The following MCCC1 variants were observed in gnomAD, a reference collection of about 807,000 sequenced individuals.
The protein encoded by MCCC1 is methylcrotonoyl-CoA carboxylase subunit alpha, mitochondrial.
A neutral mutation model predicts 83.8 loss-of-function variants in MCCC1; 64 were observed. The ratio of observed to expected loss-of-function variants is 0.76; its 90% confidence interval spans 0.62 to 0.94. The LOEUF (loss-of-function observed/expected upper bound fraction) is 0.94. Among genes scored for constraint, MCCC1 ranks in the 40% least tolerant of loss-of-function variants. The probability of loss-of-function intolerance (pLI) is 0.00; values close to 1 mark genes in which losing one functional copy is unlikely to be tolerated. For missense variants in MCCC1, 807 were observed against 904.7 expected (o/e 0.89, Z 1.39); for synonymous variants, 322 against 315.4 (o/e 1.02, Z -0.22).
At chr3:183,037,519 T>A in intron 12 of MCCC1, 85 bp from the exon 13 acceptor site, 1 of 1,126,942 alleles carries the variant, frequency 8.9e-7, no homozygotes, top group Non-Finnish European at 1.3e-6. Context: ...ATCTAAGTAT[T>A]TTCTACTGTG....
At chr3:183,086,486 C>A (rs537912231) in intron 4 of MCCC1, among the ~76,000 whole-genome samples, 2 of 152,238 alleles carry the variant, frequency 1.3e-5, no homozygotes, top group South Asian at 4.1e-4. Flanking sequence ...CCACCTATTT[C>A]CCAAAGGATC....
chr3:183,087,308 T>C (rs1438233099), intron 3 of MCCC1, among the ~76,000 whole-genome samples: 1 of 152,218 alleles, frequency 6.6e-6, no homozygotes, highest in Non-Finnish European at 1.5e-5. Context: ...GTAGACCATT[T>C]AGAGCACATC....
Position 183,064,502 on chromosome 3 carries a change from C to T in MCCC1, c.761+6497G>A, listed in dbSNP as rs944897473. Among the ~76,000 whole-genome samples, 2 of 152,172 alleles carry T rather than the reference C, an allele frequency of 1.3e-5. No individual in the cohort carries two copies. The highest frequency in any genetic ancestry group is 2.4e-5 in the African/African-American group (1 of 41,442). ...AGGCTTCTGGGACGGGCAGAAGCCCCGCGCCCCTGCCTGCACCCCGCGCGC... is the reference window on the plus strand; with the variant it reads ...AGGCTTCTGGGACGGGCAGAAGCCCTGCGCCCCTGCCTGCACCCCGCGCGC... On this transcript the variant is annotated intron_variant, in intron 7 of 18. Coordinates refer to ENST00000265594, the MANE Select transcript of MCCC1 (RefSeq NM_020166.5). The surrounding 1 kb of genome is among the most constrained non-coding windows in gnomAD (Gnocchi z 4.5).
intron 17 of MCCC1, among the ~76,000 whole-genome samples, chr3:183,019,837 A>G (rs1159192775): frequency 6.6e-6 from 1 of 152,254 alleles, no homozygotes; most frequent in Admixed American, 6.5e-5. Flanking sequence ...TTTTTTGAAT[A>G]ATGCTTAATG....
In MCCC1 at chr3:183,041,309, C is replaced by T. The variant is rs2292058; in HGVS notation, c.1267+258G>A. On this transcript the variant is annotated intron_variant, in intron 11 of 18. Coordinates refer to ENST00000265594, the MANE Select transcript of MCCC1 (RefSeq NM_020166.5). ...GAGGCAAGGTCAAGAACAGTACACA[C>T]AAAATATTTCCTGGTTAGGTTTGAC... 0.079 allele frequency among the ~76,000 whole-genome samples: 12,071 copies of T among 152,056 alleles called. 1,446 individuals carry two copies. Among genetic ancestry groups the T allele is most frequent in the African/African-American group, 0.26 (10,694 of 41,420 alleles).
At chr3:183,098,620 G>T (rs1227405956) in intron 1 of MCCC1, 1 of 152,292 alleles carries the variant, frequency 6.6e-6, no homozygotes, top group Non-Finnish European at 1.5e-5. Context: ...AGAAGACAAA[G>T]AAGCAAAGCT....
intron 4 of MCCC1, among the ~76,000 whole-genome samples, chr3:183,078,020 G>C (rs1430711605): frequency 6.6e-6 from 1 of 152,022 alleles, no homozygotes; most frequent in Non-Finnish European, 1.5e-5. Context: ...GGTTATTGTA[G>C]CTTTATATAT....
intron 1 of MCCC1, chr3:183,098,570 A>G (rs78241642): frequency 2.6e-5 from 4 of 152,396 alleles, no homozygotes; most frequent in East Asian, 3.9e-4. Context: ...TAAACTGTCA[A>G]TCTTTCCAGA....
At chr3:183,047,942 C>T (rs74924383) in intron 9 of MCCC1, among the ~76,000 whole-genome samples, 1,800 of 152,326 alleles carry the variant, frequency 0.012, 34 homozygotes, top group African/African-American at 0.042. Flanking sequence ...TTACTGCATA[C>T]TGTAGGCAAC....
intron 5 of MCCC1, 93 bp downstream of exon 5, chr3:183,072,273 A>G: frequency 1.4e-6 from 2 of 1,470,842 alleles, no homozygotes; most frequent in Non-Finnish European, 1.9e-6. Context: ...CAGTCTCCCA[A>G]AACACTGGTA....
At chr3:183,059,912 T>C (rs975828635) in intron 7 of MCCC1, among the ~76,000 whole-genome samples, 7 of 152,194 alleles carry the variant, frequency 4.6e-5, no homozygotes, top group Admixed American at 1.3e-4. Flanking sequence ...GTATTTTCTA[T>C]TTGTCTTTCT....
chr3:183,064,589 G>A lies in MCCC1; in HGVS notation c.761+6410C>T, dbSNP rs1716104833. Among the ~76,000 whole-genome samples, 1 of 152,162 alleles carries A rather than the reference G, an allele frequency of 6.6e-6. No individual in the cohort carries two copies. Among genetic ancestry groups the A allele is most frequent in the Non-Finnish European group, 1.5e-5 (1 of 68,010 alleles). The stretch of plus-strand genomic sequence containing the variant: ...CAAGTGCAGCACCAGCGGGCTGCAC[G>A]CCAGCTCCCCGGTTCGCCGGCTGCG... On this transcript the variant is annotated intron_variant, in intron 7 of 18. Coordinates refer to ENST00000265594, the MANE Select transcript of MCCC1 (RefSeq NM_020166.5). This position sits in a 1 kb window ranked among gnomAD's most constrained non-coding sequence, Gnocchi z 4.5.
At chr3:183,052,773 G>C (rs984678137) in intron 8 of MCCC1, among the ~76,000 whole-genome samples, 2 of 123,692 alleles carry the variant, frequency 1.6e-5, no homozygotes, top group East Asian at 2.6e-4. Flanking sequence ...TCACGCCACT[G>C]TACTCCAGCC....
At chr3:183,070,847 C>T in intron 7 of MCCC1, 152 bp downstream of exon 7, 1 of 912,696 alleles carries the variant, frequency 1.1e-6, no homozygotes, top group Non-Finnish European at 1.7e-6. Context: ...GCATACCATC[C>T]TACAATCAGT....
upstream of MCCC1, chr3:183,116,187 C>T (rs1719585221): frequency 5.7e-6 from 1 of 176,166 alleles, no homozygotes; most frequent in Non-Finnish European, 1.2e-5. Flanking sequence ...CTCTCCTGCT[C>T]ATGCGCACTG....
chr3:183,044,201 T>C (rs1183758375), intron 10 of MCCC1, among the ~76,000 whole-genome samples: 7 of 152,202 alleles, frequency 4.6e-5, no homozygotes, highest in African/African-American at 1.7e-4. Flanking sequence ...CCACGAATCC[T>C]ACATATATCA....
chr3:183,092,052 A>AAAAAAAAAAG, intron 3 of MCCC1, among the ~76,000 whole-genome samples: 1 of 148,376 alleles, frequency 6.7e-6, no homozygotes, highest in Middle Eastern at 3.4e-3. Flanking sequence ...ACTCAATCTC[A>AAAAAAAAAAG]AAAAAAAAAG....
At chr3:183,071,718 T>TGA (rs10692178) in intron 5 of MCCC1, among the ~76,000 whole-genome samples, 2 of 149,850 alleles carry the variant, frequency 1.3e-5, no homozygotes, top group Admixed American at 6.7e-5. Flanking sequence ...TTTTTTTTTT[T>TGA]AGAGACAGGG....
intron 4 of MCCC1, among the ~76,000 whole-genome samples, chr3:183,078,169 G>C (rs1445537292): frequency 6.6e-6 from 1 of 152,096 alleles, no homozygotes; most frequent in Non-Finnish European, 1.5e-5. Flanking sequence ...ACAGGCACCT[G>C]TCACCATGCC....
Sources: gnomAD v4.1 joint callset for allele counts (sites outside exome capture counted in the v4.1 genomes callset) on GRCh38, gnomAD v4.1.1 for gene constraint, Gnocchi (gnomAD v3.1) non-coding constraint, MANE v1.5 for transcripts, NCBI Gene and HGNC (gene_info 2026-07-23, HGNC 2026-07-21) for gene names.